The following CENPP variants were observed in gnomAD, a reference collection of about 807,000 sequenced individuals.
CENPP encodes the protein centromere protein P.
Under a neutral mutation model 35.6 loss-of-function variants are expected in CENPP, and 24 were observed. The observed-to-expected ratio is 0.67, with a 90% CI of 0.49 to 0.95. The LOEUF is 0.95. Among genes scored for constraint, CENPP ranks in the 40% least tolerant of loss-of-function variants. The pLI, the probability that CENPP is intolerant of heterozygous loss-of-function variation, is 0.00. For synonymous variants in CENPP, 120 were observed against 125.5 expected (o/e 0.96, Z 0.29); for missense variants, 332 against 345.3 (o/e 0.96, Z 0.31).
intron 5 of CENPP, chr9:92,389,709 G>A (rs917728806): frequency 1.3e-5 from 8 of 595,478 alleles, no homozygotes; most frequent in Non-Finnish European, 2.3e-5. Flanking sequence ...TAATAGGATG[G>A]TTATTTATTA....
intron 5 of CENPP, among the ~76,000 whole-genome samples, chr9:92,534,440 T>G (rs1849044588): frequency 6.6e-6 from 1 of 152,194 alleles, no homozygotes; most frequent in East Asian, 1.9e-4. Flanking sequence ...GTCTCTAAAG[T>G]ATCTTCATGC....
chr9:92,478,007 T>C (rs1488461795), intron 5 of CENPP, among the ~76,000 whole-genome samples: 1 of 152,008 alleles, frequency 6.6e-6, no homozygotes, highest in East Asian at 1.9e-4. Context: ...TTGAGACCAA[T>C]AGAACTAAAG....
chr9:92,603,502 C>T (rs969020546), intron 5 of CENPP, among the ~76,000 whole-genome samples: 4 of 152,152 alleles, frequency 2.6e-5, no homozygotes, highest in Non-Finnish European at 5.9e-5. Context: ...CCAAGACACC[C>T]ACAGTGCCAA....
chr9:92,400,450 G>C (rs1843066183), intron 5 of CENPP, among the ~76,000 whole-genome samples: 1 of 152,122 alleles, frequency 6.6e-6, no homozygotes, highest in Non-Finnish European at 1.5e-5. Flanking sequence ...CGCCCAGCCT[G>C]GGATGTCTTT....
chr9:92,338,736 A>G (rs549208155), intron 3 of CENPP, among the ~76,000 whole-genome samples: 1 of 152,090 alleles, frequency 6.6e-6, no homozygotes, highest in African/African-American at 2.4e-5. Flanking sequence ...GGAATTTTGG[A>G]GCCACTCAGT....
chr9:92,369,382 G>GTAATC (rs1841959354), intron 4 of CENPP, among the ~76,000 whole-genome samples: 1 of 152,108 alleles, frequency 6.6e-6, no homozygotes, highest in Non-Finnish European at 1.5e-5. Flanking sequence ...TCTTGTATCT[G>GTAATC]GCCCTGGGGT....
intron 5 of CENPP, among the ~76,000 whole-genome samples, chr9:92,513,209 G>C (rs1386836602): frequency 1.3e-5 from 2 of 152,130 alleles, no homozygotes; most frequent in African/African-American, 4.8e-5. Flanking sequence ...GTTCCACTCA[G>C]AGCCCTCCCT....
intron 5 of CENPP, among the ~76,000 whole-genome samples, chr9:92,471,815 A>G (rs545248282): frequency 1.3e-5 from 2 of 151,896 alleles, no homozygotes; most frequent in Non-Finnish European, 2.9e-5. Flanking sequence ...GTGTACCACC[A>G]TGCCTGGCTA....
At chr9:92,463,220 C>T (rs1388504619) in intron 5 of CENPP, among the ~76,000 whole-genome samples, 1 of 152,142 alleles carries the variant, frequency 6.6e-6, no homozygotes, top group African/African-American at 2.4e-5. Context: ...TCATCCTGTC[C>T]ACATGATAAC....
At chr9:92,351,980 A>G (rs1841458765) in intron 4 of CENPP, among the ~76,000 whole-genome samples, 1 of 148,308 alleles carries the variant, frequency 6.7e-6, no homozygotes, top group African/African-American at 2.5e-5. Context: ...GTCAAGGTTC[A>G]TCCATGTGGC....
chr9:92,375,008 T>C (rs1163314302), intron 4 of CENPP, among the ~76,000 whole-genome samples: 1 of 152,200 alleles, frequency 6.6e-6, no homozygotes, highest in Non-Finnish European at 1.5e-5. Flanking sequence ...AGATTTACTA[T>C]AATGTGTCTT....
rs553419931 is a variant in CENPP at position 92,512,801 on chromosome 9, AC to A, written c.565-98511del. Reference sequence around the variant, plus strand: ...AGCCACGTGGTGACCTTCTTATAAAACCATAACAGTGTAGCTCAGCATGGGT... The same window carrying A: ...AGCCACGTGGTGACCTTCTTATAAAACATAACAGTGTAGCTCAGCATGGGT... On this transcript the variant is annotated intron_variant, in intron 5 of 7. Transcript: ENST00000375587. Among the ~76,000 whole-genome samples the A allele has an allele frequency of 2.0e-3, 307 of 152,288 alleles. 2 individuals are homozygous for A. The highest frequency in any genetic ancestry group is 7.0e-3 in the African/African-American group (290 of 41,562).
chr9:92,457,876 T>A (rs1403688438), intron 5 of CENPP, among the ~76,000 whole-genome samples: 2 of 152,176 alleles, frequency 1.3e-5, no homozygotes, highest in Non-Finnish European at 2.9e-5. Context: ...CATATTTATG[T>A]GTATATATAT....
chr9:92,474,590 T>C (rs1166029648), intron 5 of CENPP: 2 of 1,587,474 alleles, frequency 1.3e-6, no homozygotes, highest in Admixed American at 1.9e-5. Flanking sequence ...ATAGCATTAC[T>C]ATTCTTCAAA....
chr9:92,611,170 GA>G, intron 5 of CENPP, 143 bp from the exon 6 acceptor site: 1 of 679,906 alleles, frequency 1.5e-6, no homozygotes, highest in Middle Eastern at 4.0e-4. Flanking sequence ...GCAAGGGCAA[GA>G]GGGGCGGTTG....
intron 5 of CENPP, among the ~76,000 whole-genome samples, chr9:92,438,903 G>T (rs555641864): frequency 1.3e-5 from 2 of 152,230 alleles, no homozygotes; most frequent in South Asian, 4.1e-4. Flanking sequence ...CAAAGCTGAG[G>T]TTGCATTACT....
At chr9:92,433,084 A>G (rs80217484) in intron 5 of CENPP, among the ~76,000 whole-genome samples, 3,923 of 152,278 alleles carry the variant, frequency 0.026, 76 homozygotes, top group Non-Finnish European at 0.039. Flanking sequence ...TGCTACTATA[A>G]CAGAATACCA....
intron 1 of CENPP, among the ~76,000 whole-genome samples, chr9:92,327,747 G>A (rs1165986942): frequency 6.6e-6 from 1 of 152,194 alleles, no homozygotes; most frequent in Admixed American, 6.5e-5. Context: ...GTTAGCATCT[G>A]GTGGTGGATG....
At chr9:92,500,081 G>A (rs1846578860) in intron 5 of CENPP, among the ~76,000 whole-genome samples, 1 of 152,206 alleles carries the variant, frequency 6.6e-6, no homozygotes, top group South Asian at 2.1e-4. Context: ...TTATAGATTA[G>A]TTTTATTTAT....
Sources: allele counts gnomAD v4.1 joint callset (sites outside exome capture counted in the v4.1 genomes callset), GRCh38; gene constraint gnomAD v4.1.1; transcripts MANE v1.5; gene names NCBI Gene and HGNC (gene_info 2026-07-23, HGNC 2026-07-21).